The following KLHL29 variants were observed in gnomAD, a reference collection of about 807,000 sequenced individuals.
KLHL29 encodes the protein kelch like family member 29, also known as kelch-like protein 29.
In KLHL29, 21 loss-of-function variants were observed where a neutral mutation model predicts 80.4. The ratio of observed to expected loss-of-function variants is 0.26; its 90% confidence interval spans 0.19 to 0.38. The LOEUF is 0.38. Among genes scored for constraint, KLHL29 ranks in the 10% least tolerant of loss-of-function variants. The pLI is 1.00. For synonymous variants in KLHL29, 511 were observed against 526.8 expected (o/e 0.97, Z 0.41); for missense variants, 867 against 1,223.9 (o/e 0.71, Z 4.35).
In KLHL29 at chr2:23,642,593, C is replaced by T. The variant is rs778535524; in HGVS notation, c.683C>T (p.Ala228Val). ...VVNMPAQALY[A>V]SPQPLAVSTL... ...AACATGCCTGCCCAGGCCCTGTATG[C>T]CAGCCCTCAGCCCCTGGCCGTGTCC... Residue 228 changes from alanine to valine, a missense_variant, in exon 5 of 14, where the codon GCC (alanine) becomes GTC (valine). Physicochemically the swap from Ala to Val is moderately conservative, Grantham distance 64 (BLOSUM62 0). Around this residue, in one of 2 missense-constraint regions of KLHL29, gnomAD observed 424 missense variants for 456.9 expected, o/e 0.93. Coordinates refer to ENST00000486442, the MANE Select transcript of KLHL29 (RefSeq NM_052920.2). 3.9e-6 allele frequency: 6 copies of T among 1,550,094 alleles called. No homozygotes were observed. The highest frequency in any genetic ancestry group is 5.2e-6 in the Non-Finnish European group (6 of 1,146,632).
intron 2 of KLHL29, among the ~76,000 whole-genome samples, chr2:23,514,757 T>C (rs1465348546): frequency 6.6e-6 from 1 of 152,214 alleles, no homozygotes; most frequent in Non-Finnish European, 1.5e-5. Flanking sequence ...ACCTCTGGAC[T>C]CGAAGAAGAG....
At chr2:23,517,766 C>T (rs1665983169) in intron 2 of KLHL29, among the ~76,000 whole-genome samples, 1 of 152,218 alleles carries the variant, frequency 6.6e-6, no homozygotes, top group African/African-American at 2.4e-5. Context: ...GGCACATTTG[C>T]TCAGCAGCTC....
chr2:23,477,556 G>A (rs1216893850), intron 2 of KLHL29, among the ~76,000 whole-genome samples: 1 of 152,282 alleles, frequency 6.6e-6, no homozygotes, highest in Non-Finnish European at 1.5e-5. Flanking sequence ...CCCAGTGGGG[G>A]CAGCCAGAGG....
chr2:23,605,574 A>G lies in KLHL29; in HGVS notation c.286-33565A>G, dbSNP rs13401568. Among the ~76,000 whole-genome samples, 1,276 of 152,284 alleles carry G rather than the reference A, an allele frequency of 8.4e-3. 20 individuals are homozygous for G. The highest frequency in any genetic ancestry group is 0.029 in the African/African-American group (1,207 of 41,554). On this transcript the variant is annotated intron_variant, in intron 3 of 13. Transcript: ENST00000486442. Reference sequence around the variant, plus strand: ...ATCTTCTCTCAGTTTTTGTTGAGCTACAAAGTCGATTTGGTATATTTTCAG... The same window carrying G: ...ATCTTCTCTCAGTTTTTGTTGAGCTGCAAAGTCGATTTGGTATATTTTCAG...
intron 3 of KLHL29, among the ~76,000 whole-genome samples, chr2:23,622,053 C>T (rs952815653): frequency 6.6e-6 from 1 of 152,198 alleles, no homozygotes; most frequent in Non-Finnish European, 1.5e-5. Flanking sequence ...CAGCTGGGCA[C>T]CTGCAATGCA....
rs897653602 is a variant in KLHL29, at chr2:23,663,352, G to A, written c.940+20502G>A. Among the ~76,000 whole-genome samples the A allele has an allele frequency of 1.8e-4, 27 of 152,168 alleles. 1 individual carries two copies. Among genetic ancestry groups the A allele is most frequent in the Non-Finnish European group, 3.5e-4 (24 of 68,030 alleles). Reference sequence around the variant, plus strand: ...CCAGCCCTAGAGCCCTTGGGTCCCCGCGGGCTGGGGCGGGGTTGCCTGTGC... The same window carrying A: ...CCAGCCCTAGAGCCCTTGGGTCCCCACGGGCTGGGGCGGGGTTGCCTGTGC... On this transcript the variant is annotated intron_variant, in intron 5 of 13. Coordinates refer to ENST00000486442, the MANE Select transcript of KLHL29 (RefSeq NM_052920.2).
At chr2:23,601,794 G>C (rs762435919) in intron 3 of KLHL29, among the ~76,000 whole-genome samples, 21 of 152,194 alleles carry the variant, frequency 1.4e-4, no homozygotes, top group Non-Finnish European at 2.5e-4. Flanking sequence ...TTGTCTGATG[G>C]AGACCCAGGG....
At chr2:23,549,598 G>A (rs536389575) in intron 2 of KLHL29, among the ~76,000 whole-genome samples, 71 of 152,328 alleles carry the variant, frequency 4.7e-4, no homozygotes, top group African/African-American at 1.6e-3. Context: ...AGACAGCCTG[G>A]TACTGAGGTC....
At chr2:23,478,378 G>A (rs1040383924) in intron 2 of KLHL29, among the ~76,000 whole-genome samples, 2 of 152,142 alleles carry the variant, frequency 1.3e-5, no homozygotes, top group Admixed American at 1.3e-4. Flanking sequence ...GACCCCTGGG[G>A]ATCAGTGGAA....
At position 23,652,458 on chromosome 2, in the gene KLHL29, C is replaced by T. The variant is rs141181329; in HGVS notation, c.940+9608C>T. 1.2e-4 allele frequency among the ~76,000 whole-genome samples: 19 copies of T among 152,348 alleles called. No homozygotes were observed. In the East Asian group the frequency reaches 3.7e-3, roughly 29 times the overall value. On this transcript the variant is annotated intron_variant, in intron 5 of 13. Coordinates refer to ENST00000486442, the MANE Select transcript of KLHL29 (RefSeq NM_052920.2). ...CAAAGCTGGTCCCTGTTCTACATGA[C>T]AGCCCTTCAGCTTTTGGAGGATGGC...
Position 23,703,231 on chromosome 2 carries a change from C to T in KLHL29, c.2151C>T (p.Pro717=), listed in dbSNP as rs1453741245. 1 of 1,517,488 alleles carries T rather than the reference C, an allele frequency of 6.6e-7. No individual in the cohort carries two copies. The highest frequency in any genetic ancestry group is 2.2e-5 in the Admixed American group (1 of 45,152). 94.0% of individuals were successfully genotyped at this position (1,517,488 alleles called of 1,614,324 possible). ...TNQWEAVAPL[P]KAVHSAAATV... is the part of the protein sequence containing the mutation. ...AATGGGAGGCGGTGGCCCCTCTGCC[C>T]AAGGCAGTACACTCTGCTGCAGCCA... Residue 717 remains proline (P), a synonymous_variant, in exon 12 of 14, where the codon CCC becomes CCT. Coordinates refer to ENST00000486442, the MANE Select transcript of KLHL29 (RefSeq NM_052920.2).
In KLHL29 at chr2:23,616,188, C is replaced by T. The variant is rs140081772; in HGVS notation, c.286-22951C>T. Among the ~76,000 whole-genome samples the T allele has an allele frequency of 1.4e-3, 207 of 152,336 alleles. 2 individuals carry two copies. Among genetic ancestry groups the T allele is most frequent in the African/African-American group, 4.8e-3 (198 of 41,576 alleles). ...TTACACCCCTTACCCTGTCCTCCCA[C>T]ACTCCAAGTCTGCCTCTCCCTCCTC... On this transcript the variant is annotated intron_variant, in intron 3 of 13. Transcript: ENST00000486442.
chr2:23,584,719 C>CTTTAT (rs1321634598), intron 3 of KLHL29, among the ~76,000 whole-genome samples: 3 of 152,034 alleles, frequency 2.0e-5, no homozygotes, highest in Non-Finnish European at 4.4e-5. Context: ...TTTACTCAGC[C>CTTTAT]TTTATTTTAT....
rs151238852 is a variant in KLHL29 at position 23,637,600 on chromosome 2, A to G, written c.286-1539A>G. 1.6e-3 allele frequency among the ~76,000 whole-genome samples: 245 copies of G among 152,322 alleles called. 1 individual carries two copies. Among genetic ancestry groups the G allele is most frequent in the African/African-American group, 5.5e-3 (230 of 41,566 alleles). ...TAGCTGAGCGCAGCCCACAGGTCCT[A>G]ATGGGATACGGCTCCCGTTCCTCCA... On this transcript the variant is annotated intron_variant, in intron 3 of 13. Coordinates refer to ENST00000486442, the MANE Select transcript of KLHL29 (RefSeq NM_052920.2).
chr2:23,687,148 AC>A (rs772609852), intron 6 of KLHL29, among the ~76,000 whole-genome samples: 10 of 152,164 alleles, frequency 6.6e-5, no homozygotes, highest in Admixed American at 2.0e-4. Flanking sequence ...CAGTGGCTCC[AC>A]GCTCAGGCAG....
chr2:23,470,170 C>G (rs1664460462), intron 1 of KLHL29, among the ~76,000 whole-genome samples: 1 of 152,220 alleles, frequency 6.6e-6, no homozygotes, highest in African/African-American at 2.4e-5. Flanking sequence ...TTCTCCTCGC[C>G]CCAAACCATC....
chr2:23,492,108 A>G (rs753105121), intron 2 of KLHL29, among the ~76,000 whole-genome samples: 12 of 152,174 alleles, frequency 7.9e-5, no homozygotes, highest in Non-Finnish European at 1.5e-4. Context: ...TCACACGTCC[A>G]GCCTCCCCAG....
chr2:23,571,772 G>C (rs1268548365), intron 3 of KLHL29, among the ~76,000 whole-genome samples: 1 of 152,180 alleles, frequency 6.6e-6, no homozygotes, highest in African/African-American at 2.4e-5. Flanking sequence ...GAGAAAACAA[G>C]AGAGTTCCAG....
At chr2:23,531,991 G>A (rs1666503994) in intron 2 of KLHL29, among the ~76,000 whole-genome samples, 1 of 152,176 alleles carries the variant, frequency 6.6e-6, no homozygotes, top group Non-Finnish European at 1.5e-5. Flanking sequence ...GGACCTCAAC[G>A]GGACGACCAA....
Sources: gnomAD v4.1 joint callset for allele counts (sites outside exome capture counted in the v4.1 genomes callset) on GRCh38, gnomAD v4.1.1 for gene constraint, gnomAD v4.1.1 regional missense constraint, MANE v1.5 for transcripts, NCBI Gene and HGNC (gene_info 2026-07-23, HGNC 2026-07-21) for gene names.